RANBP2: variants seen among roughly 807,000 people sequenced by gnomAD.
RANBP2 encodes RAN binding protein 2.
In RANBP2, 57 loss-of-function variants were observed where a neutral mutation model predicts 303.6. The ratio of observed to expected loss-of-function variants is 0.19; its 90% CI spans 0.15 to 0.23. The LOEUF is 0.23. RANBP2 is among the 10% of genes least tolerant of loss of function. The pLI is 1.00. For missense variants in RANBP2, 3,138 were observed against 3,780.8 expected (o/e 0.83, Z 4.46); for synonymous variants, 1,167 against 1,301.5 (o/e 0.90, Z 2.23).
the RANBP2 span, chr2:109,503,792 A>T: frequency 6.6e-6 from 1 of 151,914 alleles, no homozygotes; most frequent in Non-Finnish European, 1.5e-5. Context: ...GAACGTTCTT[A>T]CTCTCCCAGG....
At chr2:109,574,222 T>G in the RANBP2 span, among the ~76,000 whole-genome samples, 1 of 151,126 alleles carries the variant, frequency 6.6e-6, no homozygotes. Context: ...GAAAATCACT[T>G]AAGTCCAGGA....
the RANBP2 span, chr2:108,816,087 T>G: frequency 6.2e-7 from 1 of 1,610,092 alleles, no homozygotes; most frequent in African/African-American, 1.3e-5. Context: ...GAAATGATAT[T>G]CAGGAGAAGT....
the RANBP2 span, among the ~76,000 whole-genome samples, chr2:109,694,960 T>A: frequency 6.6e-6 from 1 of 152,076 alleles, no homozygotes; most frequent in Non-Finnish European, 1.5e-5. Context: ...GTCATATGGG[T>A]TCCTGTTCCA....
the RANBP2 span, among the ~76,000 whole-genome samples, chr2:109,012,530 C>T: frequency 4.6e-5 from 7 of 152,174 alleles, no homozygotes; most frequent in East Asian, 1.4e-3. Flanking sequence ...GCCCCTCCGG[C>T]ACTTCACAGA....
the RANBP2 span, chr2:108,816,216 C>T: frequency 9.5e-5 from 73 of 770,812 alleles, no homozygotes; most frequent in Non-Finnish European, 1.3e-4. Context: ...TTTGGGAGTT[C>T]GAGCTGGGCA....
chr2:108,729,717 CTTTT>C (rs34977300), intron 2 of RANBP2, among the ~76,000 whole-genome samples: 3 of 135,240 alleles, frequency 2.2e-5, no homozygotes, highest in Admixed American at 7.5e-5. Flanking sequence ...GGGAGTCAGG[CTTTT>C]TTTTTTTTTT....
the RANBP2 span, among the ~76,000 whole-genome samples, chr2:108,942,105 CAG>C: frequency 6.6e-6 from 1 of 152,238 alleles, no homozygotes; most frequent in East Asian, 1.9e-4. Flanking sequence ...GTGCTGGGGG[CAG>C]AGGCCCCATC....
At chr2:109,315,659 G>A in the RANBP2 span, among the ~76,000 whole-genome samples, 2 of 152,212 alleles carry the variant, frequency 1.3e-5, no homozygotes, top group South Asian at 4.1e-4. Context: ...AGGCTTTCCT[G>A]GCAGTCTATA....
the RANBP2 span, among the ~76,000 whole-genome samples, chr2:108,823,628 G>T: frequency 6.6e-6 from 1 of 152,200 alleles, no homozygotes; most frequent in Non-Finnish European, 1.5e-5. Context: ...ACAATGTGAA[G>T]TATTTGGGTA....
chr2:108,864,598 G>A, the RANBP2 span, among the ~76,000 whole-genome samples: 2,092 of 152,186 alleles, frequency 0.014, 44 homozygotes, highest in African/African-American at 0.048. Context: ...GAGATCGAGA[G>A]CAGCCTGGCT....
chr2:109,251,173 T>C, the RANBP2 span, among the ~76,000 whole-genome samples: 1 of 152,006 alleles, frequency 6.6e-6, no homozygotes, highest in Non-Finnish European at 1.5e-5. Context: ...TGGCTAATTT[T>C]TTTATTTTTA....
At chr2:109,442,310 C>CAAA in the RANBP2 span, among the ~76,000 whole-genome samples, 37 of 75,924 alleles carry the variant, frequency 4.9e-4, no homozygotes, top group Non-Finnish European at 3.9e-4. Flanking sequence ...GACTCCACCT[C>CAAA]AAAAAAAAAA....
the RANBP2 span, among the ~76,000 whole-genome samples, chr2:109,169,571 A>G: frequency 2.0e-5 from 3 of 152,116 alleles, no homozygotes; most frequent in Non-Finnish European, 4.4e-5. Context: ...AAAGGCATAA[A>G]GTTGCTTTAT....
chr2:109,322,861 A>G, the RANBP2 span, among the ~76,000 whole-genome samples: 1 of 152,196 alleles, frequency 6.6e-6, no homozygotes, highest in Non-Finnish European at 1.5e-5. Flanking sequence ...TATTGCTATC[A>G]ATTAAAGTTC....
At chr2:108,978,573 G>GA in the RANBP2 span, among the ~76,000 whole-genome samples, 1 of 151,562 alleles carries the variant, frequency 6.6e-6, no homozygotes, top group Admixed American at 6.6e-5. Flanking sequence ...CCGAGGAAAA[G>GA]TTTTTTTTTC....
chr2:109,291,673 A>G, the RANBP2 span, among the ~76,000 whole-genome samples: 551 of 152,154 alleles, frequency 3.6e-3, 5 homozygotes, highest in African/African-American at 0.013. Flanking sequence ...GGGGTGTGAG[A>G]TCCTCTGGCC....
At chr2:109,189,218 C>G in the RANBP2 span, among the ~76,000 whole-genome samples, 1 of 152,048 alleles carries the variant, frequency 6.6e-6, no homozygotes, top group Non-Finnish European at 1.5e-5. Context: ...AGAGGAGGCT[C>G]TGGTGTGTTC....
the RANBP2 span, among the ~76,000 whole-genome samples, chr2:109,339,617 C>T: frequency 1.3e-5 from 2 of 152,140 alleles, no homozygotes; most frequent in East Asian, 1.9e-4. Flanking sequence ...TTGCCGGTAG[C>T]GAGGCCTTTG....
At chr2:108,959,534 C>T in the RANBP2 span, among the ~76,000 whole-genome samples, 1 of 152,152 alleles carries the variant, frequency 6.6e-6, no homozygotes, top group African/African-American at 2.4e-5. Context: ...CAAGATGACT[C>T]AGGTTGTCAG....
Sources: gnomAD v4.1 joint callset for allele counts (sites outside exome capture counted in the v4.1 genomes callset) on GRCh38, gnomAD v4.1.1 for gene constraint, MANE v1.5 for transcripts, NCBI Gene and HGNC (gene_info 2026-07-23, HGNC 2026-07-21) for gene names.